The following CPED1 variants were observed in gnomAD, a reference collection of about 807,000 sequenced individuals.
CPED1 encodes the protein cadherin like and PC-esterase domain containing 1.
CPED1 carries 114 observed loss-of-function variants against 128.2 expected under a neutral mutation model. The ratio of observed to expected loss-of-function variants is 0.89; its 90% CI spans 0.76 to 1.04. The LOEUF (loss-of-function observed/expected upper bound fraction) is 1.04, where lower values mean the gene tolerates loss of function less well. Ranked by LOEUF, CPED1 falls within the 50% of genes least tolerant of loss-of-function variation. The pLI, the probability that CPED1 is intolerant of heterozygous loss-of-function variation, is 0.00. For synonymous variants in CPED1, 462 were observed against 426.7 expected (o/e 1.08, Z -1.02); for missense variants, 1,211 against 1,207.1 (o/e 1.00, Z -0.05).
chr7:121,240,511 G>A (rs963982012), intron 17 of CPED1, among the ~76,000 whole-genome samples: 4 of 152,050 alleles, frequency 2.6e-5, no homozygotes, highest in African/African-American at 9.7e-5. Context: ...ACAGGAGCTC[G>A]CTAAGTAAAT....
intron 2 of CPED1, among the ~76,000 whole-genome samples, chr7:121,014,666 T>C (rs969098677): frequency 2.0e-5 from 3 of 151,702 alleles, no homozygotes; most frequent in African/African-American, 7.3e-5. Context: ...ATTCACAACA[T>C]TAAAAAGAGT....
chr7:121,090,969 A>T (rs959134646), intron 5 of CPED1, among the ~76,000 whole-genome samples: 4 of 152,148 alleles, frequency 2.6e-5, no homozygotes, highest in African/African-American at 9.7e-5. Context: ...AAATAAAAAA[A>T]AAAGCATAGA....
intron 5 of CPED1, among the ~76,000 whole-genome samples, chr7:121,081,808 A>T (rs1226764551): frequency 6.6e-6 from 1 of 152,176 alleles, no homozygotes; most frequent in Non-Finnish European, 1.5e-5. Flanking sequence ...TATTTTATAG[A>T]TGTTACCCTA....
intron 22 of CPED1, among the ~76,000 whole-genome samples, chr7:121,289,990 T>G (rs1792660216): frequency 6.6e-6 from 1 of 152,152 alleles, no homozygotes; most frequent in Admixed American, 6.5e-5. Context: ...CAGTGTGTGT[T>G]GTTCCCCTCC....
At chr7:121,144,276 T>C (rs952945044) in intron 16 of CPED1, among the ~76,000 whole-genome samples, 2 of 152,048 alleles carry the variant, frequency 1.3e-5, no homozygotes, top group African/African-American at 2.4e-5. Flanking sequence ...AGCCAAGATA[T>C]GGAATCAACC....
chr7:121,194,157 C>T (rs529325046), intron 16 of CPED1, among the ~76,000 whole-genome samples: 1 of 149,302 alleles, frequency 6.7e-6, no homozygotes, highest in Admixed American at 6.7e-5. Flanking sequence ...AAGCAATTCT[C>T]CTGCCTCAGC....
rs190570647 is a variant in CPED1, at chr7:121,295,477, T to C, written c.2906T>C (p.Ile969Thr). 6.2e-7 allele frequency: 1 copy of C among 1,613,632 alleles called. No individual in the cohort carries two copies. The highest frequency in any genetic ancestry group is 2.2e-5 in the East Asian group (1 of 44,806). ...KSKLSKEYNF[I>T]KMKRSRNHIM... ...AAGTTATCCAAAGAATATAACTTTA[T>C]TAAAATGAAAAGATCAAGAAATCAT... The change falls in exon 23 of 23, where the codon ATT becomes ACT. Residue 969 changes from isoleucine (I) to threonine (T), a missense_variant. By Grantham distance (89) the Ile-to-Thr change is moderately conservative. Coordinates refer to ENST00000310396, the MANE Select transcript of CPED1 (RefSeq NM_024913.5).
rs1180212930 is a variant in CPED1 at position 121,140,529 on chromosome 7, G to A, written c.1700-298G>A. On this transcript the variant is annotated intron_variant, in intron 14 of 22. Transcript: ENST00000310396. ...ATGAAAATGTTATCAATCCACAGGA[G>A]AGACATTTTCCCGCCTTGTGTGCCT... 2.6e-5 allele frequency among the ~76,000 whole-genome samples: 4 copies of A among 151,994 alleles called. No individual in the cohort carries two copies. In the South Asian group the frequency reaches 6.2e-4, roughly 24 times the overall value.
intron 2 of CPED1, among the ~76,000 whole-genome samples, chr7:121,014,780 C>T (rs1193712381): frequency 6.6e-6 from 1 of 151,976 alleles, no homozygotes; most frequent in African/African-American, 2.4e-5. Flanking sequence ...TCTTCTCCAC[C>T]ACCTCCTTTG....
intron 4 of CPED1, among the ~76,000 whole-genome samples, chr7:121,063,470 C>T (rs2042324390): frequency 6.7e-6 from 1 of 149,624 alleles, no homozygotes; most frequent in Non-Finnish European, 1.5e-5. Context: ...CTCTCTTCTC[C>T]AACTGCAGCT....
At chr7:121,170,519 G>T (rs566018576) in intron 16 of CPED1, among the ~76,000 whole-genome samples, 160 of 152,126 alleles carry the variant, frequency 1.1e-3, no homozygotes, top group African/African-American at 3.7e-3. Flanking sequence ...TTAACACAAG[G>T]CCTGATGAAT....
At chr7:121,200,127 A>G (rs910946840) in intron 16 of CPED1, among the ~76,000 whole-genome samples, 6 of 152,182 alleles carry the variant, frequency 3.9e-5, no homozygotes, top group Admixed American at 6.5e-5. Context: ...ATATGATGAT[A>G]AACATGCATA....
At chr7:121,136,561 G>A (rs931396026) in intron 14 of CPED1, among the ~76,000 whole-genome samples, 2 of 152,042 alleles carry the variant, frequency 1.3e-5, no homozygotes, top group South Asian at 2.1e-4. Context: ...TACGAGAAAC[G>A]TAAGTACTTT....
At chr7:121,273,023 T>A (rs907873344) in intron 22 of CPED1, among the ~76,000 whole-genome samples, 1 of 152,082 alleles carries the variant, frequency 6.6e-6, no homozygotes, top group African/African-American at 2.4e-5. Context: ...ATGATTTTTT[T>A]TTGGCTTCTG....
intron 2 of CPED1, among the ~76,000 whole-genome samples, chr7:121,004,120 G>A (rs1791942225): frequency 6.6e-6 from 1 of 152,140 alleles, no homozygotes; most frequent in African/African-American, 2.4e-5. Context: ...TGGAGATGCA[G>A]AGCCACCTGC....
chr7:121,211,888 G>A (rs1797652974), intron 16 of CPED1, among the ~76,000 whole-genome samples: 1 of 152,008 alleles, frequency 6.6e-6, no homozygotes, highest in Non-Finnish European at 1.5e-5. Flanking sequence ...TCAAGTTCAG[G>A]AAATAATGAG....
intron 21 of CPED1, 42 bp from the exon 22 acceptor site, chr7:121,271,242 C>T (rs776288849): frequency 2.0e-6 from 3 of 1,528,250 alleles, no homozygotes; most frequent in South Asian, 2.4e-5. Context: ...ATAAAACAAT[C>T]CTCTGGTAAT....
chr7:121,104,281 G>A (rs1380898495), intron 7 of CPED1, among the ~76,000 whole-genome samples: 3 of 151,944 alleles, frequency 2.0e-5, no homozygotes, highest in Non-Finnish European at 2.9e-5. Flanking sequence ...ATAAATTCAC[G>A]AGTAAAATTC....
intron 16 of CPED1, among the ~76,000 whole-genome samples, chr7:121,210,228 A>G (rs563137877): frequency 6.6e-6 from 1 of 152,134 alleles, no homozygotes; most frequent in South Asian, 2.1e-4. Context: ...AATTAGTACA[A>G]TCACTATAGA....
Sources: allele counts gnomAD v4.1 joint callset (sites outside exome capture counted in the v4.1 genomes callset), GRCh38; gene constraint gnomAD v4.1.1; transcripts MANE v1.5; gene names NCBI Gene and HGNC (gene_info 2026-07-23, HGNC 2026-07-21).